C11orf98: variants seen among roughly 807,000 people sequenced by gnomAD.
The protein encoded by C11orf98 is 28S rRNA/ribosome and sororin micro-cofactor.
Under a neutral mutation model 10.9 loss-of-function variants are expected in C11orf98, and 7 were observed. The observed-to-expected ratio is 0.64, with a 90% CI of 0.37 to 1.21. The LOEUF (loss-of-function observed/expected upper bound fraction) is 1.21. C11orf98 is among the 50% of genes most tolerant of loss of function. The probability of loss-of-function intolerance (pLI) is 0.02; values close to 1 mark genes in which losing one functional copy is unlikely to be tolerated. For synonymous variants in C11orf98, 70 were observed against 57.2 expected (o/e 1.22, Z -1.01); for missense variants, 181 against 153.7 (o/e 1.18, Z -0.94).
chr11:62,665,012 C>T (rs534734272), intron 1 of C11orf98, 39 bp from the exon 2 acceptor site: 2 of 1,602,520 alleles, frequency 1.2e-6, no homozygotes, highest in South Asian at 1.1e-5. Flanking sequence ...GGAGTGGGCT[C>T]GCCGCGACCC....
chr11:62,663,292 C>T lies in C11orf98; in HGVS notation c.206G>A (p.Arg69His), dbSNP rs148572859. 31 of 1,614,050 alleles carry T rather than the reference C, an allele frequency of 1.9e-5. No homozygotes were observed. The highest frequency in any genetic ancestry group is 9.3e-5 in the African/African-American group (7 of 74,916). The change falls in exon 3 of 4, where the codon CGC becomes CAC. Residue 69 changes from arginine to histidine, a missense_variant. By Grantham distance (29) the Arg-to-His change is conservative (BLOSUM62 0). Coordinates refer to ENST00000524958, the MANE Select transcript of C11orf98 (RefSeq NM_001286086.2). ...CCGGATCTGCTGGAGGAGTTTTCTGCGCTTCTTCCCTGACAGTGTAATGTT... is the reference window on the plus strand; with the variant it reads ...CCGGATCTGCTGGAGGAGTTTTCTGTGCTTCTTCCCTGACAGTGTAATGTT... ...RANITLSGKK[R>H]RKLLQQIRLA...
Position 62,664,992 on chromosome 11 carries a change from C to T in C11orf98, c.40-19G>A. The T allele has an allele frequency of 6.2e-7, 1 of 1,608,242 alleles. No homozygotes were observed. On this transcript the variant is annotated intron_variant, in intron 1 of 3. Coordinates refer to ENST00000524958, the MANE Select transcript of C11orf98 (RefSeq NM_001286086.2). ...TCAGCTCCTGCCGGGGAGAAAGATG[C>T]GAATCAGATGGAGTGGGCTCGCCGC...
intron 2 of C11orf98, 59 bp downstream of exon 2, chr11:62,664,790 T>G: frequency 3.2e-6 from 5 of 1,544,464 alleles, no homozygotes; most frequent in Non-Finnish European, 3.5e-6. Flanking sequence ...TCCGGAGCTC[T>G]GCAGGGAGGA....
intron 2 of C11orf98, 56 bp downstream of exon 2, chr11:62,664,793 A>C: frequency 6.5e-7 from 1 of 1,545,208 alleles, no homozygotes; most frequent in Non-Finnish European, 8.7e-7. Context: ...GGAGCTCTGC[A>C]GGGAGGAAGG....
intron 2 of C11orf98, 55 bp downstream of exon 2, chr11:62,664,794 G>A (rs560685300): frequency 7.9e-5 from 122 of 1,545,998 alleles, no homozygotes; most frequent in Admixed American, 4.1e-4. Flanking sequence ...GAGCTCTGCA[G>A]GGAGGAAGGA....
intron 1 of C11orf98, 50 bp from the exon 2 acceptor site, chr11:62,665,023 G>C: frequency 6.2e-7 from 1 of 1,600,298 alleles, no homozygotes; most frequent in Non-Finnish European, 8.5e-7. Flanking sequence ...GCCGCGACCC[G>C]GGGCCCCTCC....
In C11orf98 at chr11:62,665,197, C is replaced by G. The variant is rs1181013837; in HGVS notation, c.-28G>C. On this transcript the variant is annotated 5_prime_UTR_variant, in exon 1 of 4. Coordinates refer to ENST00000524958, the MANE Select transcript of C11orf98 (RefSeq NM_001286086.2). The stretch of plus-strand genomic sequence containing the variant: ...TCGCGATTCCACTCCAGTTCACGGT[C>G]CGTACTTCCGCTCAGCGCCGGATCC... 1.2e-6 allele frequency: 1 copy of G among 806,434 alleles called. No homozygotes were observed. The highest frequency in any genetic ancestry group is 1.7e-5 in the African/African-American group (1 of 59,110). 50.0% of individuals were successfully genotyped at this position (806,434 alleles called of 1,614,324 possible). A position where few individuals can be genotyped will look rare whatever the true frequency, so the allele number is the denominator to read the frequency against.
In C11orf98 at chr11:62,663,085, C is replaced by T. The variant is rs368100722; in HGVS notation, c.337G>A (p.Asp113Asn). ...TCTTCAAGGTCCTTCATTTCTACATCCTGGGGGGCTTTTGTCTTCTTTTGC... is the reference window on the plus strand; with the variant it reads ...TCTTCAAGGTCCTTCATTTCTACATTCTGGGGGGCTTTTGTCTTCTTTTGC... ...KRQKKTKAPQDVEMKDLEDES is the reference protein window; with the variant it reads ...KRQKKTKAPQNVEMKDLEDES Residue 113 changes from aspartate to asparagine, a missense_variant, in exon 4 of 4, where the codon GAT (aspartate) becomes AAT (asparagine). By Grantham distance (23) the Asp-to-Asn change is conservative (BLOSUM62 1). Coordinates refer to ENST00000524958, the MANE Select transcript of C11orf98 (RefSeq NM_001286086.2). The T allele has an allele frequency of 1.1e-4, 182 of 1,611,980 alleles. 1 individual carries two copies. Among genetic ancestry groups the T allele is most frequent in the Admixed American group, 2.2e-4 (13 of 59,976 alleles).
Position 62,665,117 on chromosome 11 carries a change from C to T in C11orf98, c.39+14G>A, listed in dbSNP as rs554985061. 22 of 1,238,116 alleles carry T rather than the reference C, an allele frequency of 1.8e-5. No individual in the cohort carries two copies. The highest frequency in any genetic ancestry group is 2.5e-5 in the Non-Finnish European group (22 of 874,526). 76.7% of individuals were successfully genotyped at this position (1,238,116 alleles called of 1,614,324 possible). On this transcript the variant is annotated intron_variant, in intron 1 of 3. Coordinates refer to ENST00000524958, the MANE Select transcript of C11orf98 (RefSeq NM_001286086.2). ...ACGCTTGAGGAAACAAAGTCGCGGCCCCCACACAGTCACCGTTCGGGGCCG... is the reference window on the plus strand; with the variant it reads ...ACGCTTGAGGAAACAAAGTCGCGGCTCCCACACAGTCACCGTTCGGGGCCG...
At chr11:62,664,480 G>C (rs1369094138) in intron 2 of C11orf98, among the ~76,000 whole-genome samples, 2 of 151,816 alleles carry the variant, frequency 1.3e-5, no homozygotes, top group Admixed American at 1.3e-4. Context: ...ACAGGTGCCG[G>C]CCACAACGCC....
chr11:62,664,354 G>A, intron 2 of C11orf98, among the ~76,000 whole-genome samples: 1 of 139,792 alleles, frequency 7.2e-6, no homozygotes, highest in Non-Finnish European at 1.5e-5. Context: ...TTTTTGAGAC[G>A]GAGTCTCACT....
rs1053554858 is a variant in C11orf98, at chr11:62,662,946, G to A, written c.*104C>T. On this transcript the variant is annotated 3_prime_UTR_variant, in exon 4 of 4. Coordinates refer to ENST00000524958, the MANE Select transcript of C11orf98 (RefSeq NM_001286086.2). Reference sequence around the variant, plus strand: ...AGGTCAGTAGGCCATTAGGTAGGAGGAAATCTGGAGAGTGAAAAGGGGCCT... The same window carrying A: ...AGGTCAGTAGGCCATTAGGTAGGAGAAAATCTGGAGAGTGAAAAGGGGCCT... 2.3e-6 allele frequency: 2 copies of A among 867,772 alleles called. No homozygotes were observed. Among genetic ancestry groups the A allele is most frequent in the Middle Eastern group, 7.1e-4 (2 of 2,802 alleles). The allele number at this position is 867,772 out of a possible 1,614,324, so 53.8% of individuals were successfully genotyped here. A position where few individuals can be genotyped will look rare whatever the true frequency, so the allele number is the denominator to read the frequency against.
chr11:62,663,112 T>A lies in C11orf98; in HGVS notation c.310A>T (p.Arg104Trp). 6.2e-7 allele frequency: 1 copy of A among 1,613,970 alleles called. No individual in the cohort carries two copies. The highest frequency in any genetic ancestry group is 8.5e-7 in the Non-Finnish European group (1 of 1,179,888). The change falls in exon 4 of 4, where the codon AGG becomes TGG. Residue 104 changes from arginine to tryptophan, a missense_variant. Physicochemically the swap from Arg to Trp is moderately radical, Grantham distance 101 (BLOSUM62 -3). Coordinates refer to ENST00000524958, the MANE Select transcript of C11orf98 (RefSeq NM_001286086.2). ...PARTSEPQLK[R>W]QKKTKAPQDV... ...TGGGGGGCTTTTGTCTTCTTTTGCC[T>A]TTTGAGCTGTGGTTCACTAGTCCTG...
At position 62,664,954 on chromosome 11, in the gene C11orf98, A is replaced by C; in HGVS notation, c.59T>G (p.Phe20Cys). Reference protein sequence around the residue: ...RPRTELKKKLFKRRRVLNRER... With the variant: ...RPRTELKKKLCKRRRVLNRER... ...CCGATTCAACACCCGCCGGCGTTTG[A>C]ACAGCTTCTTCTTCAGCTCCTGCCG... Residue 20 changes from phenylalanine to cysteine, a missense_variant, in exon 2 of 4, where the codon TTC becomes TGC. By Grantham distance (205) the Phe-to-Cys change is radical. Coordinates refer to ENST00000524958, the MANE Select transcript of C11orf98 (RefSeq NM_001286086.2). 6.2e-7 allele frequency: 1 copy of C among 1,612,180 alleles called. No homozygotes were observed. Among genetic ancestry groups the C allele is most frequent in the African/African-American group, 1.3e-5 (1 of 75,034 alleles).
At chr11:62,665,094 G>T in intron 1 of C11orf98, 37 bp downstream of exon 1, 1 of 1,439,394 alleles carries the variant, frequency 6.9e-7, no homozygotes. Context: ...GCTCAGGAAC[G>T]CTTGAGGAAA....
Position 62,664,866 on chromosome 11 carries a change from G to A in C11orf98, c.147C>T (p.His49=). 1 of 1,574,076 alleles carries A rather than the reference G, an allele frequency of 6.4e-7. No individual in the cohort carries two copies. Among genetic ancestry groups the A allele is most frequent in the Non-Finnish European group, 8.6e-7 (1 of 1,159,412 alleles). The change falls in exon 2 of 4, where the codon CAC becomes CAT. Residue 49 remains histidine, a synonymous_variant. Coordinates refer to ENST00000524958, the MANE Select transcript of C11orf98 (RefSeq NM_001286086.2). ...GTACTTACGCCCGCTTCTTGAGGTG[G>A]TGCCGCGTGATCAGCCCTTGGTCTA... ...AVIDQGLITR[H]HLKKRASSAR...
chr11:62,664,321 ATATTCT>A (rs1411944099), intron 2 of C11orf98, among the ~76,000 whole-genome samples: 2 of 138,114 alleles, frequency 1.4e-5, no homozygotes, highest in African/African-American at 5.4e-5. Flanking sequence ...AGATTTCCTG[ATATTCT>A]TTTTTTTTTT....
At chr11:62,663,693 CAA>C (rs552135889) in intron 2 of C11orf98, among the ~76,000 whole-genome samples, 107 of 60,110 alleles carry the variant, frequency 1.8e-3, no homozygotes, top group African/African-American at 5.6e-3. Flanking sequence ...GACTCCGTCT[CAA>C]AAAAAAAAAA....
Position 62,663,099 on chromosome 11 carries a change from G to C in C11orf98, c.323C>G (p.Thr108Arg), listed in dbSNP as rs762453530. 4.3e-6 allele frequency: 7 copies of C among 1,613,448 alleles called. No homozygotes were observed. The Admixed American group carries it at 6.7e-5, about 15-fold the overall frequency. ...CATTTCTACATCCTGGGGGGCTTTT[G>C]TCTTCTTTTGCCTTTTGAGCTGTGG... ...SEPQLKRQKK[T>R]KAPQDVEMKD... Residue 108 changes from threonine (T) to arginine (R), a missense_variant, in exon 4 of 4, where the codon ACA (threonine) becomes AGA (arginine). Physicochemically the swap from Thr to Arg is moderately conservative, Grantham distance 71. Coordinates refer to ENST00000524958, the MANE Select transcript of C11orf98 (RefSeq NM_001286086.2).
Sources: allele counts gnomAD v4.1 joint callset (sites outside exome capture counted in the v4.1 genomes callset), GRCh38; gene constraint gnomAD v4.1.1; transcripts MANE v1.5; gene names NCBI Gene and HGNC (gene_info 2026-07-23, HGNC 2026-07-21).